The following UBA7 variants were observed in gnomAD, a reference collection of about 807,000 sequenced individuals.
The protein encoded by UBA7 is ubiquitin like modifier activating enzyme 7.
UBA7 carries 88 observed loss-of-function variants against 113.0 expected under a neutral mutation model. The observed-to-expected ratio is 0.78, with a 90% CI of 0.66 to 0.93. The LOEUF (loss-of-function observed/expected upper bound fraction) is 0.93, where lower values mean the gene tolerates loss of function less well. UBA7 is among the 40% of genes least tolerant of loss of function. The pLI, the probability that UBA7 is intolerant of heterozygous loss-of-function variation, is 0.00. For synonymous variants in UBA7, 459 were observed against 513.0 expected (o/e 0.89, Z 1.42); for missense variants, 1,092 against 1,266.4 (o/e 0.86, Z 2.09).
At position 49,811,869 on chromosome 3, in the gene UBA7, C is replaced by T. The variant is rs766335990; in HGVS notation, c.939+1G>A. On this transcript the variant is annotated splice_donor_variant, in intron 8 of 23. Coordinates refer to ENST00000333486, the MANE Select transcript of UBA7 (RefSeq NM_003335.3). LOFTEE classifies it high-confidence loss of function. ...GGGGTGGGAGCAACAGGACTACTCA[C>T]AGGATCCCAGGGCTGGGGTGGCCGG... is the stretch of plus-strand genomic sequence containing the variant. 1 of 1,613,232 alleles carries T rather than the reference C, an allele frequency of 6.2e-7. No homozygotes were observed. Among genetic ancestry groups the T allele is most frequent in the Non-Finnish European group, 8.5e-7 (1 of 1,179,964 alleles).
At chr3:49,808,287 G>A in intron 19 of UBA7, 99 bp downstream of exon 19, 3 of 1,545,658 alleles carry the variant, frequency 1.9e-6, no homozygotes, top group South Asian at 2.2e-5. Context: ...GTCTTGCTGG[G>A]AGAATTCAGG....
intron 4 of UBA7, 85 bp downstream of exon 4, chr3:49,812,977 G>C: frequency 6.8e-7 from 1 of 1,465,162 alleles, no homozygotes; most frequent in Non-Finnish European, 9.3e-7. Context: ...GGTTGGAGGG[G>C]CACTGGAGCA....
rs141786229 is a variant in UBA7, at chr3:49,809,706, C to A, written c.1924G>T (p.Asp642Tyr). The A allele has an allele frequency of 1.2e-6, 2 of 1,613,970 alleles. No individual in the cohort carries two copies. The highest frequency in any genetic ancestry group is 2.7e-5 in the African/African-American group (2 of 74,914). ...HHQQAHTSLADMDEPQTLTLL... is the reference protein window; with the variant it reads ...HHQQAHTSLAYMDEPQTLTLL... ...GTGAGTGTCTGTGGCTCATCCATGT[C>A]TGCCAGGGAAGTGTGTGCCCTGCAG... Residue 642 changes from aspartate to tyrosine, a missense_variant, in exon 16 of 24, where the codon GAC becomes TAC. Asp to Tyr is a radical substitution (Grantham distance 160). Around this residue, in one of 3 missense-constraint regions of UBA7, gnomAD observed 500 missense variants for 529.3 expected, o/e 0.94. Coordinates refer to ENST00000333486, the MANE Select transcript of UBA7 (RefSeq NM_003335.3).
rs1303634905 is a variant in UBA7 at position 49,812,644 on chromosome 3, C to T, written c.558+4G>A. The T allele has an allele frequency of 6.2e-7, 1 of 1,614,092 alleles. No individual in the cohort carries two copies. The highest frequency in any genetic ancestry group is 1.3e-5 in the African/African-American group (1 of 74,924). On this transcript the variant is annotated splice_donor_region_variant and intron_variant, in intron 5 of 23. Transcript: ENST00000333486. ...CAGGTGAATGCCTACAGCTCAGCACCCACCTGGGAGATGTGCTGGATGGCA... is the reference window on the plus strand; with the variant it reads ...CAGGTGAATGCCTACAGCTCAGCACTCACCTGGGAGATGTGCTGGATGGCA...
At chr3:49,811,173 G>A (rs1001288377) in intron 9 of UBA7, 82 bp from the exon 10 acceptor site, 32 of 1,602,524 alleles carry the variant, frequency 2.0e-5, no homozygotes, top group Non-Finnish European at 2.6e-5. Context: ...ACCCAGGTTG[G>A]TGAAGGCTCC....
At position 49,810,016 on chromosome 3, in the gene UBA7, C is replaced by T. The variant is rs367943954; in HGVS notation, c.1801G>A (p.Val601Met). 1.1e-4 allele frequency: 171 copies of T among 1,613,820 alleles called. No homozygotes were observed. The South Asian group carries it at 1.4e-3, about 13-fold the overall frequency. ...TCGGCTGTGCTAGGGAAGTACCGCA[C>T]GGTACAGACAGGGTAGGGGGCATCC... ...SEDAPYPVCTVRYFPSTAEHT... is the reference protein window; with the variant it reads ...SEDAPYPVCTMRYFPSTAEHT... Residue 601 changes from valine to methionine, a missense_variant, in exon 14 of 24, where the codon GTG becomes ATG. Physicochemically the swap from Val to Met is conservative, Grantham distance 21. Coordinates refer to ENST00000333486, the MANE Select transcript of UBA7 (RefSeq NM_003335.3). The surrounding 1 kb of genome is among the most constrained non-coding windows in gnomAD (Gnocchi z 5.6).
rs907566090 is a variant in UBA7 at position 49,809,087 on chromosome 3, C to T, written c.2236G>A (p.Asp746Asn). 4.3e-6 allele frequency: 7 copies of T among 1,613,572 alleles called. No homozygotes were observed. Among genetic ancestry groups the T allele is most frequent in the African/African-American group, 4.0e-5 (3 of 74,940 alleles). Reference protein sequence around the residue: ...AQMHGLPGSQDWTALRELLKL... With the variant: ...AQMHGLPGSQNWTALRELLKL... ...AGCAGCTCCCTGAGTGCAGTCCAGT[C>T]CTGTGAGCCAGGCAGCCCATGCATC... The change falls in exon 18 of 24, where the codon GAC (aspartate) becomes AAC (asparagine). Residue 746 changes from aspartate to asparagine, a missense_variant. By Grantham distance (23) the Asp-to-Asn change is conservative (BLOSUM62 1). Coordinates refer to ENST00000333486, the MANE Select transcript of UBA7 (RefSeq NM_003335.3).
intron 21 of UBA7, 35 bp from the exon 22 acceptor site, chr3:49,806,200 T>C (rs749605972): frequency 6.5e-7 from 1 of 1,530,052 alleles, no homozygotes; most frequent in African/African-American, 1.4e-5. Context: ...AGAGACTTCT[T>C]ACCTCCCCCC....
chr3:49,805,747 C>A, intron 23 of UBA7, 150 bp downstream of exon 23: 1 of 878,572 alleles, frequency 1.1e-6, no homozygotes, highest in Non-Finnish European at 1.8e-6. Context: ...CACCCCACCT[C>A]CAGCCTGTTT....
chr3:49,813,084 C>T lies in UBA7; in HGVS notation c.445G>A (p.Ala149Thr), dbSNP rs1469187670. 4 of 1,613,808 alleles carry T rather than the reference C, an allele frequency of 2.5e-6. No individual in the cohort carries two copies. Among genetic ancestry groups the T allele is most frequent in the Non-Finnish European group, 3.4e-6 (4 of 1,179,988 alleles). Residue 149 changes from alanine (A) to threonine (T), a missense_variant, in exon 4 of 24, where the codon GCT becomes ACT. Transcript: ENST00000333486. ...CACCCCACGAGGCCCCGGGTGTCAGCCGCCAGAAAGCAAACTCCATGCTTA... is the reference window on the plus strand; with the variant it reads ...CACCCCACGAGGCCCCGGGTGTCAGTCGCCAGAAAGCAAACTCCATGCTTA... ...CHKHGVCFLA[A>T]DTRGLVGQLF...
At position 49,811,236 on chromosome 3, in the gene UBA7, T is replaced by C. The variant is rs779647142; in HGVS notation, c.1122+37A>G. 3.7e-6 allele frequency: 6 copies of C among 1,612,346 alleles called. No individual in the cohort carries two copies. The South Asian group carries it at 5.5e-5, about 15-fold the overall frequency. On this transcript the variant is annotated intron_variant, in intron 9 of 23. Coordinates refer to ENST00000333486, the MANE Select transcript of UBA7 (RefSeq NM_003335.3). ...TCTGACACACACACTGATCTCCACATCTTCCCAGTACCCCCCACACCTATG... is the reference window on the plus strand; with the variant it reads ...TCTGACACACACACTGATCTCCACACCTTCCCAGTACCCCCCACACCTATG...
intron 9 of UBA7, 84 bp downstream of exon 9, chr3:49,811,189 T>C (rs1575376734): frequency 6.2e-7 from 1 of 1,603,672 alleles, no homozygotes; most frequent in East Asian, 2.2e-5. Context: ...GCTCCAGGGC[T>C]GCTCTCTAGC....
At chr3:49,809,299 A>G (rs2081503245) in intron 17 of UBA7, 91 bp downstream of exon 17, 2 of 1,548,114 alleles carry the variant, frequency 1.3e-6, no homozygotes, top group Non-Finnish European at 1.8e-6. Context: ...CTCTCTGGGC[A>G]TCTGTGCATC....
chr3:49,805,486 C>G, intron 23 of UBA7, 49 bp from the exon 24 acceptor site: 1 of 1,571,010 alleles, frequency 6.4e-7, no homozygotes, highest in Non-Finnish European at 8.7e-7. Flanking sequence ...CCATGGCAAG[C>G]AGAAGGCAGC....
Position 49,807,801 on chromosome 3 carries a change from T to A in UBA7, c.2650A>T (p.Ser884Cys), listed in dbSNP as rs1485275632. The A allele has an allele frequency of 6.2e-7, 1 of 1,614,112 alleles. No homozygotes were observed. The change falls in exon 21 of 24, where the codon AGC (serine) becomes TGC (cysteine). Residue 884 changes from serine to cysteine, a missense_variant. Transcript: ENST00000333486. This position sits in a 1 kb window ranked among gnomAD's most constrained non-coding sequence, Gnocchi z 4.0. ...GPRPRSAFRH[S>C]YLHLAENYLI... ...TAGTTTTCAGCCAGATGTAGGTAGC[T>A]GTGGCGAAAGGCACTACGAGGCCGT...
chr3:49,806,874 T>C (rs1423499847), intron 21 of UBA7, among the ~76,000 whole-genome samples: 1 of 152,086 alleles, frequency 6.6e-6, no homozygotes, highest in African/African-American at 2.4e-5. Flanking sequence ...GCAGCCTGTA[T>C]GCTGGTTAGA....
intron 4 of UBA7, 142 bp from the exon 5 acceptor site, chr3:49,812,880 G>T: frequency 8.4e-7 from 1 of 1,190,006 alleles, no homozygotes. Context: ...AGGGTTACTG[G>T]AGCAGGTCTG....
At chr3:49,812,277 C>T (rs951188928) in intron 6 of UBA7, 71 bp from the exon 7 acceptor site, 6 of 1,611,052 alleles carry the variant, frequency 3.7e-6, no homozygotes, top group Middle Eastern at 1.6e-4. Flanking sequence ...TCCTATCTTG[C>T]ATCTGTGTCC....
At position 49,812,499 on chromosome 3, in the gene UBA7, G is replaced by T. The variant is rs189465555; in HGVS notation, c.603C>A (p.His201Gln). The stretch of plus-strand genomic sequence containing the variant: ...TCACCAAGTCTCCATCACGGAAGTA[G>T]TGGGTATTGGCCCCTTTCCTCAGAG... The part of the protein sequence containing the change: ...ILTLRKGANT[H>Q]YFRDGDLVTF... Residue 201 changes from histidine to glutamine, a missense_variant, in exon 6 of 24, where the codon CAC becomes CAA. Transcript: ENST00000333486. 3.1e-6 allele frequency: 5 copies of T among 1,614,240 alleles called. No homozygotes were observed. In the African/African-American group the frequency reaches 6.7e-5, roughly 22 times the overall value.
Sources: gnomAD v4.1 joint callset for allele counts (sites outside exome capture counted in the v4.1 genomes callset) on GRCh38, gnomAD v4.1.1 for gene constraint, gnomAD v4.1.1 regional missense constraint, Gnocchi (gnomAD v3.1) non-coding constraint, MANE v1.5 for transcripts, NCBI Gene and HGNC (gene_info 2026-07-23, HGNC 2026-07-21) for gene names.